MECOM: variants seen among roughly 807,000 people sequenced by gnomAD.
The protein encoded by MECOM is MDS1 and EVI1 complex locus.
Under a neutral mutation model 116.3 loss-of-function variants are expected in MECOM, and 13 were observed. The observed-to-expected ratio is 0.11, with a 90% CI of 0.07 to 0.18. MECOM has a LOEUF of 0.18. MECOM is among the 10% of genes least tolerant of loss of function. The pLI is 1.00. For synonymous variants in MECOM, 528 were observed against 535.2 expected, an observed-to-expected ratio of 0.99 and a Z score of 0.19; for missense variants, 1,299 against 1,509.0, an observed-to-expected ratio of 0.86 and a Z score of 2.31.
chr3:169,125,100 T>C (rs143802647), intron 5 of MECOM, among the ~76,000 whole-genome samples: 3 of 152,220 alleles, frequency 2.0e-5, no homozygotes, highest in African/African-American at 4.8e-5. Flanking sequence ...CATGAATCAA[T>C]TGAGTTGGAA....
At chr3:169,335,511 A>G (rs1723453812) in intron 2 of MECOM, among the ~76,000 whole-genome samples, 1 of 152,096 alleles carries the variant, frequency 6.6e-6, no homozygotes, top group South Asian at 2.1e-4. Context: ...CTTTTACGAA[A>G]TGGGCAAAGT....
chr3:169,200,005 T>C (rs1183246746), intron 2 of MECOM, among the ~76,000 whole-genome samples: 1 of 150,666 alleles, frequency 6.6e-6, no homozygotes, highest in Non-Finnish European at 1.5e-5. Context: ...TATCAAGATA[T>C]AGTAAAACGT....
intron 2 of MECOM, among the ~76,000 whole-genome samples, chr3:169,233,708 A>G (rs983622141): frequency 6.6e-6 from 1 of 152,108 alleles, no homozygotes; most frequent in African/African-American, 2.4e-5. Flanking sequence ...ATGACATCCC[A>G]AAAAAGAACC....
chr3:169,557,763 A>G (rs769121373), intron 1 of MECOM, among the ~76,000 whole-genome samples: 31 of 152,340 alleles, frequency 2.0e-4, no homozygotes, highest in Admixed American at 2.0e-4. Context: ...CAAGGCAAGA[A>G]ACACACTTTT....
chr3:169,432,844 T>C (rs16853722), intron 1 of MECOM, among the ~76,000 whole-genome samples: 17,551 of 152,214 alleles, frequency 0.12, 1,285 homozygotes, highest in East Asian at 0.29. Context: ...GATTGTTCTA[T>C]TCTGTGCCAA....
chr3:169,630,056 A>T (rs1771892219), intron 1 of MECOM, among the ~76,000 whole-genome samples: 2 of 152,186 alleles, frequency 1.3e-5, no homozygotes, highest in African/African-American at 4.8e-5. Flanking sequence ...TGATGGGCAG[A>T]TGGAAAGAGA....
chr3:169,663,483 T>A lies in MECOM; in HGVS notation c.-111A>T. On this transcript the variant is annotated 5_prime_UTR_variant, in exon 1 of 17. Transcript: ENST00000651503. ...CCTCCCTCTCTCTCCTGTCTCTCTCTCTCTCTCTCTCTCTCTCTCTCTCTC... is the reference window on the plus strand; with the variant it reads ...CCTCCCTCTCTCTCCTGTCTCTCTCACTCTCTCTCTCTCTCTCTCTCTCTC... The A allele has an allele frequency of 4.0e-5, 6 of 149,188 alleles. No homozygotes were observed. The highest frequency in any genetic ancestry group is 7.4e-5 in the Non-Finnish European group (6 of 81,446). The allele number at this position is 149,188 out of a possible 1,614,324, so 9.2% of individuals were successfully genotyped here. A position where few individuals can be genotyped will look rare whatever the true frequency, so the allele number is the denominator to read the frequency against.
At chr3:169,210,822 C>A (rs1577354807) in intron 2 of MECOM, among the ~76,000 whole-genome samples, 1 of 152,100 alleles carries the variant, frequency 6.6e-6, no homozygotes, top group Non-Finnish European at 1.5e-5. Context: ...TAATTTTCCT[C>A]TATTAATCAG....
intron 2 of MECOM, among the ~76,000 whole-genome samples, chr3:169,255,213 T>C (rs959525086): frequency 6.6e-6 from 1 of 152,184 alleles, no homozygotes; most frequent in Non-Finnish European, 1.5e-5. Flanking sequence ...CAAGTATCCA[T>C]GACACCGAGC....
intron 12 of MECOM, among the ~76,000 whole-genome samples, chr3:169,098,341 A>G (rs962808866): frequency 6.6e-6 from 1 of 152,130 alleles, no homozygotes; most frequent in Non-Finnish European, 1.5e-5. Flanking sequence ...CCTTGCCTTT[A>G]ATTACCCTGA....
At chr3:169,163,164 T>TCC (rs1743090670) in intron 2 of MECOM, among the ~76,000 whole-genome samples, 2 of 152,210 alleles carry the variant, frequency 1.3e-5, no homozygotes, top group African/African-American at 4.8e-5. Flanking sequence ...TCTTTGTAAG[T>TCC]AATTTGGCTA....
chr3:169,444,504 C>A (rs1195122205), intron 1 of MECOM, among the ~76,000 whole-genome samples: 1 of 152,114 alleles, frequency 6.6e-6, no homozygotes, highest in Non-Finnish European at 1.5e-5. Flanking sequence ...TCCTCATTTT[C>A]TCTTGCTGCC....
chr3:169,291,759 AACTT>A (rs1714605698), intron 2 of MECOM, among the ~76,000 whole-genome samples: 1 of 152,196 alleles, frequency 6.6e-6, no homozygotes, highest in Non-Finnish European at 1.5e-5. Context: ...GATCCAATAA[AACTT>A]TCTTTTGCTT....
intron 2 of MECOM, among the ~76,000 whole-genome samples, chr3:169,211,459 T>C (rs184758033): frequency 1.3e-5 from 2 of 152,306 alleles, no homozygotes; most frequent in African/African-American, 4.8e-5. Flanking sequence ...CTCCTCATTC[T>C]TCTGTGGTCT....
At chr3:169,489,366 ATAGAACAGGTTTTGTATGTGTG>A (rs905012059) in intron 1 of MECOM, among the ~76,000 whole-genome samples, 11 of 152,360 alleles carry the variant, frequency 7.2e-5, no homozygotes, top group African/African-American at 2.4e-4. Flanking sequence ...CTAAATAAAA[ATAGAACAGGTTTTGTATGTGTG>A]TGAAACTTGA....
chr3:169,235,504 A>C (rs1181710805), intron 2 of MECOM, among the ~76,000 whole-genome samples: 2 of 152,262 alleles, frequency 1.3e-5, no homozygotes, highest in African/African-American at 4.8e-5. Flanking sequence ...CACCTCTCAC[A>C]TATGAAAACG....
intron 7 of MECOM, among the ~76,000 whole-genome samples, chr3:169,116,980 T>C (rs974802534): frequency 6.6e-6 from 1 of 152,178 alleles, no homozygotes; most frequent in Admixed American, 6.5e-5. Flanking sequence ...ATATATATCT[T>C]GTCACCCCCT....
intron 1 of MECOM, among the ~76,000 whole-genome samples, chr3:169,391,413 A>G (rs1734173334): frequency 1.3e-5 from 2 of 152,118 alleles, no homozygotes; most frequent in South Asian, 4.1e-4. Flanking sequence ...AGTGTTAAAC[A>G]AGTTTAGATG....
At chr3:169,507,293 G>A (rs1174202011) in intron 1 of MECOM, among the ~76,000 whole-genome samples, 1 of 152,132 alleles carries the variant, frequency 6.6e-6, no homozygotes, top group Non-Finnish European at 1.5e-5. Context: ...TAGGTAAATG[G>A]GTAATTTAAT....
Sources: gnomAD v4.1 joint callset for allele counts (sites outside exome capture counted in the v4.1 genomes callset) on GRCh38, gnomAD v4.1.1 for gene constraint, MANE v1.5 for transcripts, NCBI Gene and HGNC (gene_info 2026-07-23, HGNC 2026-07-21) for gene names.